The following TMEM237 variants were observed in gnomAD, a reference collection of about 807,000 sequenced individuals.
TMEM237 encodes the protein amyotrophic lateral sclerosis 2 (juvenile) chromosome region, candidate 4.
Under a neutral mutation model 59.1 loss-of-function variants are expected in TMEM237, and 51 were observed. The ratio of observed to expected loss-of-function variants is 0.86; its 90% CI spans 0.69 to 1.09. The LOEUF is 1.09. Among genes scored for constraint, TMEM237 ranks in the 50% least tolerant of loss-of-function variants. The probability of loss-of-function intolerance (pLI) is 0.00; values close to 1 mark genes in which losing one functional copy is unlikely to be tolerated. For synonymous variants in TMEM237, 140 were observed against 166.1 expected (o/e 0.84, Z 1.21); for missense variants, 475 against 478.3 (o/e 0.99, Z 0.06).
chr2:201,627,415 C>T lies in TMEM237; in HGVS notation c.944-1G>A, dbSNP rs1957769264. Reference sequence around the variant, plus strand: ...GATAGTATAAGAGCAGTAAAGTACACTGAGAAAAAGACAAATGAAATTACT... The same window carrying T: ...GATAGTATAAGAGCAGTAAAGTACATTGAGAAAAAGACAAATGAAATTACT... On this transcript the variant is annotated splice_acceptor_variant, in intron 10 of 12. Coordinates refer to ENST00000409883, the MANE Select transcript of TMEM237 (RefSeq NM_001044385.3). LOFTEE classifies it high-confidence loss of function. The T allele has an allele frequency of 1.9e-6, 3 of 1,572,116 alleles. No individual in the cohort carries two copies.
chr2:201,623,424 C>A lies in TMEM237; in HGVS notation c.*831G>T. ...ACCTCTCTGACAAAGAGCTGGAGAA[C>A]AGAGATGGTGAATTTCTACTCCTAT... On this transcript the variant is annotated 3_prime_UTR_variant, in exon 13 of 13. Coordinates refer to ENST00000409883, the MANE Select transcript of TMEM237 (RefSeq NM_001044385.3). 1 of 166,650 alleles carries A rather than the reference C, an allele frequency of 6.0e-6. No homozygotes were observed. The highest frequency in any genetic ancestry group is 1.3e-5 in the Non-Finnish European group (1 of 75,234). 10.3% of individuals were successfully genotyped at this position (166,650 alleles called of 1,614,324 possible).
rs1043186259 is a variant in TMEM237 at position 201,627,414 on chromosome 2, A to G, written c.944T>C (p.Leu315Ser). The change falls in exon 11 of 13, where the codon TTG becomes TCG. Residue 315 changes from leucine (L) to serine (S), a missense_variant and splice_region_variant. Leu to Ser is a moderately radical substitution (Grantham distance 145). Transcript: ENST00000409883. ...AGATAGTATAAGAGCAGTAAAGTAC[A>G]CTGAGAAAAAGACAAATGAAATTAC... Reference protein sequence around the residue: ...ALDPTALASFLYFTALILSLS... With the variant: ...ALDPTALASFSYFTALILSLS... The G allele has an allele frequency of 6.4e-6, 10 of 1,573,108 alleles. No homozygotes were observed. Among genetic ancestry groups the G allele is most frequent in the Non-Finnish European group, 8.6e-6 (10 of 1,157,482 alleles).
At chr2:201,638,303 G>T (rs2105903137) in intron 4 of TMEM237, 1 of 152,342 alleles carries the variant, frequency 6.6e-6, no homozygotes, top group Non-Finnish European at 1.5e-5. Flanking sequence ...CCTTTTAGGA[G>T]TGTGAGAGGT....
rs936181089 is a variant in TMEM237, at chr2:201,624,069, C to G, written c.*186G>C. ...TTGTCATTAAGATGATAATGCTAGA[C>G]AAATTAATGTTTAGACATAAACAGC... On this transcript the variant is annotated 3_prime_UTR_variant, in exon 13 of 13. Coordinates refer to ENST00000409883, the MANE Select transcript of TMEM237 (RefSeq NM_001044385.3). 1.6e-5 allele frequency: 7 copies of G among 436,426 alleles called. No homozygotes were observed. The highest frequency in any genetic ancestry group is 2.4e-5 in the Non-Finnish European group (6 of 248,302). 27.0% of individuals were successfully genotyped at this position (436,426 alleles called of 1,614,324 possible). A position where few individuals can be genotyped will look rare whatever the true frequency, so the allele number is the denominator to read the frequency against.
At chr2:201,642,474 C>T (rs1306669840) in intron 1 of TMEM237, 30 of 991,844 alleles carry the variant, frequency 3.0e-5, no homozygotes, top group Non-Finnish European at 4.1e-5. Flanking sequence ...GGGCTCTGTT[C>T]ACGTAACTGA....
At position 201,624,233 on chromosome 2, in the gene TMEM237, T is replaced by C. The variant is rs767072197; in HGVS notation, c.*22A>G. The stretch of plus-strand genomic sequence containing the variant: ...AAATGGGACAAATACTGGGTCATTA[T>C]TCCTCCAAAGGTGAGCTGGTATTAT... On this transcript the variant is annotated 3_prime_UTR_variant, in exon 13 of 13. Coordinates refer to ENST00000409883, the MANE Select transcript of TMEM237 (RefSeq NM_001044385.3). The C allele has an allele frequency of 1.9e-6, 3 of 1,597,448 alleles. No homozygotes were observed. Among genetic ancestry groups the C allele is most frequent in the African/African-American group, 1.3e-5 (1 of 74,704 alleles).
At chr2:201,626,927 A>G (rs909580293) in intron 11 of TMEM237, among the ~76,000 whole-genome samples, 2 of 152,282 alleles carry the variant, frequency 1.3e-5, no homozygotes, top group East Asian at 1.9e-4. Flanking sequence ...CAAAAATACA[A>G]AAATTAGCCA....
In TMEM237 at chr2:201,643,247, T is replaced by C; in HGVS notation, c.42+112A>G. On this transcript the variant is annotated intron_variant, in intron 1 of 12. Transcript: ENST00000409883. This position sits in a 1 kb window ranked among gnomAD's most constrained non-coding sequence, Gnocchi z 4.3. ...TGCGCGCACCCCACGAGCAAGGCCC[T>C]CCCTTAGTGATTCCCAGCTCGTTGG... is the stretch of plus-strand genomic sequence containing the variant. 1 of 1,215,574 alleles carries C rather than the reference T, an allele frequency of 8.2e-7. No individual in the cohort carries two copies. Among genetic ancestry groups the C allele is most frequent in the African/African-American group, 1.6e-5 (1 of 63,926 alleles). 75.3% of individuals were successfully genotyped at this position (1,215,574 alleles called of 1,614,324 possible).
chr2:201,633,051 T>G (rs1687208780), intron 6 of TMEM237, among the ~76,000 whole-genome samples: 5 of 152,184 alleles, frequency 3.3e-5, no homozygotes, highest in Admixed American at 3.3e-4. Flanking sequence ...ATATATTCTA[T>G]TTGTGTTCTT....
At chr2:201,632,476 A>T (rs1283388281) in intron 6 of TMEM237, among the ~76,000 whole-genome samples, 1 of 152,208 alleles carries the variant, frequency 6.6e-6, no homozygotes, top group Non-Finnish European at 1.5e-5. Context: ...TTCTGTATAG[A>T]TACTGATAAG....
chr2:201,636,100 T>C (rs1559588846), intron 5 of TMEM237: 1 of 152,234 alleles, frequency 6.6e-6, no homozygotes, highest in African/African-American at 2.4e-5. Flanking sequence ...GTATGATTTA[T>C]TTAGCCAGTA....
chr2:201,623,198 C>A lies in TMEM237; in HGVS notation c.*1057G>T. Reference sequence around the variant, plus strand: ...TCTTCTGTTCTATAACATTCAGGTGCTTGCTAATCAGGGCAGGCTCAATAG... The same window carrying A: ...TCTTCTGTTCTATAACATTCAGGTGATTGCTAATCAGGGCAGGCTCAATAG... On this transcript the variant is annotated 3_prime_UTR_variant, in exon 13 of 13. Transcript: ENST00000409883. 1 of 409,740 alleles carries A rather than the reference C, an allele frequency of 2.4e-6. No individual in the cohort carries two copies. 25.4% of individuals were successfully genotyped at this position (409,740 alleles called of 1,614,324 possible).
rs755681766 is a variant in TMEM237, at chr2:201,623,115, A to G, written c.*1140T>C. ...AAAAGAGATTCCCAGTATAATGTTC[A>G]CTCCAAATTTAGACCTATTGTCAGG... On this transcript the variant is annotated 3_prime_UTR_variant, in exon 13 of 13. Coordinates refer to ENST00000409883, the MANE Select transcript of TMEM237 (RefSeq NM_001044385.3). 17 of 205,104 alleles carry G rather than the reference A, an allele frequency of 8.3e-5. No individual in the cohort carries two copies. Among genetic ancestry groups the G allele is most frequent in the Non-Finnish European group, 1.3e-4 (12 of 92,384 alleles). The allele number at this position is 205,104 out of a possible 1,614,324, so 12.7% of individuals were successfully genotyped here. A position where few individuals can be genotyped will look rare whatever the true frequency, so the allele number is the denominator to read the frequency against.
intron 6 of TMEM237, 30 bp from the exon 7 acceptor site, chr2:201,632,238 G>C: frequency 4.3e-6 from 7 of 1,609,312 alleles, no homozygotes; most frequent in Non-Finnish European, 5.9e-6. Context: ...ATGAAAAATA[G>C]ATGATTATTG....
At position 201,628,148 on chromosome 2, in the gene TMEM237, T is replaced by C. The variant is rs202130417; in HGVS notation, c.871A>G (p.Ile291Val). ...GCTACTGATATTTTAGCAAAGTCAA[T>C]CCTAGAAAATATAAAAGTTTCTTGT... ...ALSTISAFDR[I>V]DFAKISVAIR... is the part of the protein sequence containing the mutation. The change falls in exon 10 of 13, where the codon ATT (isoleucine) becomes GTT (valine). Residue 291 changes from isoleucine to valine, a missense_variant and splice_region_variant. By Grantham distance (29) the Ile-to-Val change is conservative (BLOSUM62 3). Coordinates refer to ENST00000409883, the MANE Select transcript of TMEM237 (RefSeq NM_001044385.3). 143 of 1,596,622 alleles carry C rather than the reference T, an allele frequency of 9.0e-5. No homozygotes were observed. The African/African-American group carries it at 1.5e-3, about 17-fold the overall frequency.
In TMEM237 at chr2:201,627,488, G is replaced by A. The variant is rs774584632; in HGVS notation, c.944-74C>T. 8.9e-5 allele frequency: 88 copies of A among 983,414 alleles called. No individual in the cohort carries two copies. In the Admixed American group the frequency reaches 1.3e-3, roughly 15 times the overall value. The allele number at this position is 983,414 out of a possible 1,614,324, so 60.9% of individuals were successfully genotyped here. A position where few individuals can be genotyped will look rare whatever the true frequency, so the allele number is the denominator to read the frequency against. ...TATTTTGAATTTATAGATTAATATC[G>A]AAAATAATCTATACTTTCATGACTG... On this transcript the variant is annotated intron_variant, in intron 10 of 12. Transcript: ENST00000409883.
rs1236861674 is a variant in TMEM237, at chr2:201,621,858, C to T, written c.*2397G>A. ...TGGAGAAAGTTACATGAATTCTCATCGACGGCCTCAGCAATGTGCCTCAAG... is the reference window on the plus strand; with the variant it reads ...TGGAGAAAGTTACATGAATTCTCATTGACGGCCTCAGCAATGTGCCTCAAG... On this transcript the variant is annotated 3_prime_UTR_variant, in exon 13 of 13. Transcript: ENST00000409883. The T allele has an allele frequency of 1.3e-5, 2 of 152,622 alleles. No homozygotes were observed. The highest frequency in any genetic ancestry group is 4.8e-5 in the African/African-American group (2 of 41,462). 9.5% of individuals were successfully genotyped at this position (152,622 alleles called of 1,614,324 possible).
chr2:201,636,873 A>G lies in TMEM237; in HGVS notation c.149T>C (p.Leu50Ser), dbSNP rs1269827788. 9 of 1,603,946 alleles carry G rather than the reference A, an allele frequency of 5.6e-6. No homozygotes were observed. Among genetic ancestry groups the G allele is most frequent in the Admixed American group, 5.2e-5 (3 of 57,972 alleles). ...RTKNTPASAS[L>S]EGLAQTAGRR... The stretch of plus-strand genomic sequence containing the variant: ...ACCAGCAGTCTGAGCAAGGCCTTCC[A>G]AAGAAGCACTTGCTATAGAAAAACA... The change falls in exon 5 of 13, where the codon TTG (leucine) becomes TCG (serine). Residue 50 changes from leucine to serine, a missense_variant. Leu to Ser is a moderately radical substitution (Grantham distance 145). Transcript: ENST00000409883.
intron 5 of TMEM237, 101 bp from the exon 6 acceptor site, chr2:201,633,532 T>G: frequency 1.1e-6 from 1 of 920,292 alleles, no homozygotes; most frequent in East Asian, 3.4e-5. Context: ...GAATTTTAAT[T>G]GGGCAAAAAT....
Sources: gnomAD v4.1 joint callset for allele counts (sites outside exome capture counted in the v4.1 genomes callset) on GRCh38, gnomAD v4.1.1 for gene constraint, Gnocchi (gnomAD v3.1) non-coding constraint, MANE v1.5 for transcripts, NCBI Gene and HGNC (gene_info 2026-07-23, HGNC 2026-07-21) for gene names.